The following SYT9 variants were observed in gnomAD, a reference collection of about 807,000 sequenced individuals.
The protein encoded by SYT9 is synaptotagmin 9.
SYT9 carries 22 observed loss-of-function variants against 48.4 expected under a neutral mutation model. That is an observed-to-expected ratio of 0.45 (90% CI 0.32 to 0.65). The LOEUF (loss-of-function observed/expected upper bound fraction) is 0.65, where lower values mean the gene tolerates loss of function less well. SYT9 is among the 30% of genes least tolerant of loss of function. The pLI, the probability that SYT9 is intolerant of heterozygous loss-of-function variation, is 0.03. For synonymous variants in SYT9, 265 were observed against 245.0 expected (o/e 1.08, Z -0.76); for missense variants, 577 against 622.0 (o/e 0.93, Z 0.77).
intron 6 of SYT9, among the ~76,000 whole-genome samples, chr11:7,422,772 C>A (rs538226768): frequency 6.6e-6 from 1 of 152,132 alleles, no homozygotes; most frequent in East Asian, 1.9e-4. Flanking sequence ...GGGGAGTAGT[C>A]CTGGGTGGAG....
intron 1 of SYT9, among the ~76,000 whole-genome samples, chr11:7,262,275 C>A (rs766977046): frequency 6.6e-6 from 1 of 152,044 alleles, no homozygotes; most frequent in Admixed American, 6.6e-5. Context: ...GGGGAATGAC[C>A]AGCAGCTCAG....
At chr11:7,302,526 T>A (rs1162736903) in intron 1 of SYT9, among the ~76,000 whole-genome samples, 1 of 152,234 alleles carries the variant, frequency 6.6e-6, no homozygotes, top group Non-Finnish European at 1.5e-5. Context: ...TTCATTTTGC[T>A]TAGAACCTTA....
At chr11:7,398,017 G>A (rs906065825) in intron 3 of SYT9, among the ~76,000 whole-genome samples, 4 of 152,160 alleles carry the variant, frequency 2.6e-5, no homozygotes, top group Non-Finnish European at 5.9e-5. Context: ...TTGAACAGAA[G>A]AGATGAGAGC....
intron 3 of SYT9, among the ~76,000 whole-genome samples, chr11:7,410,862 T>C (rs944910582): frequency 3.3e-5 from 5 of 152,244 alleles, no homozygotes; most frequent in African/African-American, 1.2e-4. Flanking sequence ...TCTCTTTTTT[T>C]TTTCTTTTTG....
intron 6 of SYT9, among the ~76,000 whole-genome samples, chr11:7,437,286 G>T (rs1243680591): frequency 6.6e-6 from 1 of 152,198 alleles, no homozygotes; most frequent in African/African-American, 2.4e-5. Context: ...ACATGGAAGG[G>T]AGCAGTGTGC....
chr11:7,336,122 T>A (rs1849626772), intron 3 of SYT9, among the ~76,000 whole-genome samples: 1 of 152,190 alleles, frequency 6.6e-6, no homozygotes, highest in Non-Finnish European at 1.5e-5. Context: ...CATATTTTTG[T>A]TGGTCACGTA....
rs548798470 is a variant in SYT9 at position 7,242,115 on chromosome 11, T to C, written c.49+3199T>C. Among the ~76,000 whole-genome samples, 16 of 152,342 alleles carry C rather than the reference T, an allele frequency of 1.1e-4. No homozygotes were observed. The South Asian group carries it at 1.2e-3, about 12-fold the overall frequency. Reference sequence around the variant, plus strand: ...ATGCAGAGCAACTGCTTAATAAATGTCTGCTGTAAATGGATGCATAGGCCA... The same window carrying C: ...ATGCAGAGCAACTGCTTAATAAATGCCTGCTGTAAATGGATGCATAGGCCA... On this transcript the variant is annotated intron_variant and NMD_transcript_variant, in intron 1 of 8. Transcript: ENST00000524820.
intron 1 of SYT9, among the ~76,000 whole-genome samples, chr11:7,264,449 G>A (rs1299654317): frequency 2.0e-5 from 3 of 152,146 alleles, no homozygotes; most frequent in East Asian, 3.9e-4. Flanking sequence ...GGAAAGAGTA[G>A]CAAAAGAGTT....
rs1297761039 is a variant in SYT9, at chr11:7,468,157, A to G, written c.*1357A>G. ...TTTTCTTTTCACACAATCTCTTTAC[A>G]GCAGAATCCAGAGTTGGATTGTAGT... On this transcript the variant is annotated 3_prime_UTR_variant, in exon 7 of 7. Transcript: ENST00000318881. 1 of 398,024 alleles carries G rather than the reference A, an allele frequency of 2.5e-6. No homozygotes were observed. The highest frequency in any genetic ancestry group is 4.4e-6 in the Non-Finnish European group (1 of 225,772). The allele number at this position is 398,024 out of a possible 1,614,324, so 24.7% of individuals were successfully genotyped here.
At chr11:7,296,215 A>G (rs1304980633) in intron 1 of SYT9, among the ~76,000 whole-genome samples, 2 of 152,210 alleles carry the variant, frequency 1.3e-5, no homozygotes, top group African/African-American at 4.8e-5. Flanking sequence ...ACAAGACAAG[A>G]TACAGAAAAT....
intron 1 of SYT9, among the ~76,000 whole-genome samples, chr11:7,244,113 G>A (rs1847768296): frequency 6.6e-6 from 1 of 152,084 alleles, no homozygotes. Flanking sequence ...GGAGTGCCAG[G>A]CCCTCCGACC....
chr11:7,453,401 C>A (rs1848094731), intron 6 of SYT9, among the ~76,000 whole-genome samples: 1 of 152,166 alleles, frequency 6.6e-6, no homozygotes. Context: ...TGGTCTCTAG[C>A]ATGCACACAT....
rs779476138 is a variant in SYT9, at chr11:7,303,347, G to A, written c.454G>A (p.Val152Ile). The stretch of plus-strand genomic sequence containing the variant: ...GATCCAGGAGAACTGTGCCCATGGC[G>A]TCCGCGTGCAGCGCCAAGTCACAGA... Reference protein sequence around the residue: ...TGIQENCAHGVRVQRQVTEPT... With the variant: ...TGIQENCAHGIRVQRQVTEPT... The change falls in exon 2 of 7, where the codon GTC becomes ATC. Residue 152 changes from valine (V) to isoleucine (I), a missense_variant. By Grantham distance (29) the Val-to-Ile change is conservative (BLOSUM62 3). Transcript: ENST00000318881. 43 of 1,612,676 alleles carry A rather than the reference G, an allele frequency of 2.7e-5. No individual in the cohort carries two copies. Among genetic ancestry groups the A allele is most frequent in the East Asian group, 1.3e-4 (6 of 44,848 alleles).
intron 1 of SYT9, among the ~76,000 whole-genome samples, chr11:7,294,071 C>A (rs921347235): frequency 6.6e-6 from 1 of 152,180 alleles, no homozygotes; most frequent in African/African-American, 2.4e-5. Flanking sequence ...AAGGCACCAG[C>A]ATATTTTCTG....
At chr11:7,451,866 G>T (rs1013449005) in intron 6 of SYT9, among the ~76,000 whole-genome samples, 4 of 152,130 alleles carry the variant, frequency 2.6e-5, no homozygotes, top group African/African-American at 9.7e-5. Flanking sequence ...TGAACCTCTG[G>T]ATCCAGCTGT....
At chr11:7,315,420 C>A (rs936563813) in intron 3 of SYT9, among the ~76,000 whole-genome samples, 1 of 152,180 alleles carries the variant, frequency 6.6e-6, no homozygotes. Context: ...TACTAAGTCT[C>A]CCTGGTTATG....
chr11:7,398,473 G>GC, intron 3 of SYT9, among the ~76,000 whole-genome samples: 1 of 149,312 alleles, frequency 6.7e-6, no homozygotes, highest in African/African-American at 2.5e-5. Flanking sequence ...GCAGTGGCAT[G>GC]ATCTCGGCTC....
intron 6 of SYT9, among the ~76,000 whole-genome samples, chr11:7,422,155 T>G (rs1296350991): frequency 6.6e-6 from 1 of 151,978 alleles, no homozygotes; most frequent in Non-Finnish European, 1.5e-5. Context: ...GTCAGGTGAG[T>G]CTGGTTGAAG....
chr11:7,325,479 C>T (rs1316140697), intron 3 of SYT9, among the ~76,000 whole-genome samples: 1 of 107,008 alleles, frequency 9.3e-6, no homozygotes, highest in African/African-American at 4.0e-5. Context: ...TGAGACTTTG[C>T]TGAAGTTGCT....
Sources: gnomAD v4.1 joint callset for allele counts (sites outside exome capture counted in the v4.1 genomes callset) on GRCh38, gnomAD v4.1.1 for gene constraint, MANE v1.5 for transcripts, NCBI Gene and HGNC (gene_info 2026-07-23, HGNC 2026-07-21) for gene names.